TMEM63C: variants seen among roughly 807,000 people sequenced by gnomAD.
The protein encoded by TMEM63C is osmosensitive cation channel TMEM63C.
In TMEM63C, 32 loss-of-function variants were observed where a neutral mutation model predicts 99.2. The ratio of observed to expected loss-of-function variants is 0.32; its 90% CI spans 0.24 to 0.43. The LOEUF (loss-of-function observed/expected upper bound fraction) is 0.43, where lower values mean the gene tolerates loss of function less well. Among genes scored for constraint, TMEM63C ranks in the 20% least tolerant of loss-of-function variants. The pLI, the probability that TMEM63C is intolerant of heterozygous loss-of-function variation, is 1.00. For missense variants in TMEM63C, 826 were observed against 1,053.0 expected, an observed-to-expected ratio of 0.78 and a Z score of 2.98; for synonymous variants, 376 against 397.9, an observed-to-expected ratio of 0.94 and a Z score of 0.66.
chr14:77,231,592 G>A lies in TMEM63C; in HGVS notation c.355G>A (p.Glu119Lys), dbSNP rs866923436. 3.7e-5 allele frequency: 58 copies of A among 1,551,512 alleles called. No individual in the cohort carries two copies. The highest frequency in any genetic ancestry group is 4.6e-5 in the Non-Finnish European group (53 of 1,146,986). ...WFFNSITMKD[E>K]DLINKCGDDA... is the part of the protein sequence containing the mutation. ...TTGTCTGTGTGTCTCTTCCAGGGAC[G>A]AGGATCTGATTAACAAGTGTGGGGA... Residue 119 changes from glutamate to lysine, a missense_variant, in exon 7 of 24, where the codon GAG (glutamate) becomes AAG (lysine). Physicochemically the swap from Glu to Lys is moderately conservative, Grantham distance 56. Transcript: ENST00000298351.
intron 1 of TMEM63C, among the ~76,000 whole-genome samples, chr14:77,189,372 C>A (rs1211964439): frequency 1.3e-5 from 2 of 151,904 alleles, no homozygotes; most frequent in African/African-American, 4.8e-5. Context: ...CCCATGTGGG[C>A]CTCCAAACGT....
chr14:77,216,664 G>A (rs375977157), intron 2 of TMEM63C, among the ~76,000 whole-genome samples: 5 of 152,082 alleles, frequency 3.3e-5, no homozygotes, highest in Admixed American at 2.0e-4. Context: ...AGTCATCCTC[G>A]ACTCCTCTCA....
intron 21 of TMEM63C, among the ~76,000 whole-genome samples, chr14:77,250,416 G>A (rs551753556): frequency 7.2e-4 from 109 of 150,980 alleles, no homozygotes; most frequent in Non-Finnish European, 1.3e-3. Context: ...GAAGGGAGAC[G>A]CGGTGTTTTC....
At chr14:77,249,579 C>T in intron 21 of TMEM63C, 121 bp downstream of exon 21, 1 of 1,108,222 alleles carries the variant, frequency 9.0e-7, no homozygotes, top group Non-Finnish European at 1.3e-6. Flanking sequence ...CTCACCAGAC[C>T]TGGCCACACC....
At chr14:77,252,043 T>C (rs1594870916) in intron 22 of TMEM63C, 145 bp downstream of exon 22, 2 of 718,790 alleles carry the variant, frequency 2.8e-6, no homozygotes, top group Admixed American at 2.2e-5. Flanking sequence ...TGGAGCCCAG[T>C]GTGCATGCGT....
intron 23 of TMEM63C, among the ~76,000 whole-genome samples, chr14:77,254,919 C>T (rs543084314): frequency 2.4e-4 from 37 of 152,276 alleles, no homozygotes; most frequent in Admixed American, 1.9e-3. Context: ...CTATGTATCT[C>T]TTCCAGATAA....
intron 5 of TMEM63C, 151 bp from the exon 6 acceptor site, chr14:77,225,273 T>C (rs1888796008): frequency 1.8e-6 from 1 of 541,854 alleles, no homozygotes; most frequent in Non-Finnish European, 3.1e-6. Context: ...CACCACTGGT[T>C]CCCAGCTGAG....
chr14:77,188,554 G>A (rs72725321), intron 1 of TMEM63C, among the ~76,000 whole-genome samples: 1 of 152,044 alleles, frequency 6.6e-6, no homozygotes, highest in African/African-American at 2.4e-5. Context: ...GGTATCTAGG[G>A]CAGCAATGCT....
intron 1 of TMEM63C, among the ~76,000 whole-genome samples, chr14:77,182,905 C>G (rs1436473918): frequency 2.0e-5 from 3 of 152,150 alleles, no homozygotes; most frequent in African/African-American, 4.8e-5. Flanking sequence ...CCTTCAACAG[C>G]CTGCAGCGCT....
intron 5 of TMEM63C, among the ~76,000 whole-genome samples, chr14:77,224,898 G>T (rs367530): frequency 0.5 from 75,560 of 151,504 alleles, 19,314 homozygotes; most frequent in East Asian, 0.76. Flanking sequence ...AAACTCCTGG[G>T]CTCAAGTGAT....
At chr14:77,188,085 C>T (rs186905213) in intron 1 of TMEM63C, among the ~76,000 whole-genome samples, 134 of 152,340 alleles carry the variant, frequency 8.8e-4, no homozygotes, top group African/African-American at 3.1e-3. Flanking sequence ...GCCACTGCCT[C>T]TCCCCATCCC....
chr14:77,184,566 G>A (rs1887966552), intron 1 of TMEM63C, among the ~76,000 whole-genome samples: 1 of 152,204 alleles, frequency 6.6e-6, no homozygotes, highest in Non-Finnish European at 1.5e-5. Flanking sequence ...TGGTGCTCAG[G>A]CCATGGGCAG....
intron 5 of TMEM63C, among the ~76,000 whole-genome samples, chr14:77,221,980 C>G (rs756575226): frequency 1.3e-5 from 2 of 152,020 alleles, no homozygotes; most frequent in East Asian, 3.9e-4. Context: ...GGGAGTCCCC[C>G]CAACCAGCTG....
At chr14:77,218,488 G>A (rs1393359501) in intron 2 of TMEM63C, among the ~76,000 whole-genome samples, 2 of 152,180 alleles carry the variant, frequency 1.3e-5, no homozygotes. Context: ...AACTTCCCAA[G>A]GTAGAACTGG....
At chr14:77,244,842 T>C (rs1889240883) in intron 16 of TMEM63C, among the ~76,000 whole-genome samples, 1 of 152,218 alleles carries the variant, frequency 6.6e-6, no homozygotes, top group African/African-American at 2.4e-5. Context: ...GTCAATAGAA[T>C]GCTTTGGCCA....
rs79962756 is a variant in TMEM63C at position 77,236,699 on chromosome 14, C to T, written c.618C>T (p.His206=). The change falls in exon 9 of 24, where the codon CAC becomes CAT. Residue 206 remains histidine (H), a synonymous_variant. Coordinates refer to ENST00000298351, the MANE Select transcript of TMEM63C (RefSeq NM_020431.4). ...FITNFMFMAH[H]CLGFAPRNSQ... Reference sequence around the variant, plus strand: ...CCAACTTCATGTTCATGGCTCATCACTGCCTGGGGTTTGCACCCAGGAATA... The same window carrying T: ...CCAACTTCATGTTCATGGCTCATCATTGCCTGGGGTTTGCACCCAGGAATA... 405 of 1,612,852 alleles carry T rather than the reference C, an allele frequency of 2.5e-4. No homozygotes were observed. The African/African-American group carries it at 4.9e-3, about 19-fold the overall frequency.
chr14:77,245,862 T>C, intron 16 of TMEM63C, 78 bp from the exon 17 acceptor site: 1 of 1,041,704 alleles, frequency 9.6e-7, no homozygotes, highest in Middle Eastern at 2.2e-4. Flanking sequence ...GTGTCTCTCT[T>C]CCTCTCTATT....
chr14:77,225,725 G>A (rs1035265033), intron 6 of TMEM63C, among the ~76,000 whole-genome samples: 2 of 152,118 alleles, frequency 1.3e-5, no homozygotes, highest in Non-Finnish European at 2.9e-5. Flanking sequence ...CATTACTCGC[G>A]TGCTTATAGA....
At chr14:77,242,163 C>T (rs557065018) in intron 13 of TMEM63C, among the ~76,000 whole-genome samples, 184 bp from the exon 14 acceptor site, 21 of 152,172 alleles carry the variant, frequency 1.4e-4, no homozygotes, top group Non-Finnish European at 2.6e-4. Flanking sequence ...AGATACTGGG[C>T]CTTAGGAACT....
Sources: allele counts gnomAD v4.1 joint callset (sites outside exome capture counted in the v4.1 genomes callset), GRCh38; gene constraint gnomAD v4.1.1; transcripts MANE v1.5; gene names NCBI Gene and HGNC (gene_info 2026-07-23, HGNC 2026-07-21).